RALYL: variants seen among roughly 807,000 people sequenced by gnomAD.
The protein encoded by RALYL is RALY RNA binding protein like, also known as RNA-binding Raly-like protein.
Under a neutral mutation model 35.1 loss-of-function variants are expected in RALYL, and 29 were observed. The observed-to-expected ratio is 0.83, with a 90% CI of 0.61 to 1.13. The LOEUF (loss-of-function observed/expected upper bound fraction) is 1.13, where lower values mean the gene tolerates loss of function less well. RALYL is among the 50% of genes most tolerant of loss of function. RALYL has a pLI of 0.00. For missense variants in RALYL, 359 were observed against 360.4 expected (o/e 1.00, Z 0.03); for synonymous variants, 120 against 127.6 (o/e 0.94, Z 0.40).
chr8:84,601,629 A>G (rs1008026721), intron 2 of RALYL, among the ~76,000 whole-genome samples: 1 of 152,030 alleles, frequency 6.6e-6, no homozygotes, highest in Non-Finnish European at 1.5e-5. Flanking sequence ...TGAGAAAAAA[A>G]AAAAAGAGAA....
At chr8:84,344,119 C>T (rs112904757) in intron 1 of RALYL, among the ~76,000 whole-genome samples, 24 of 151,876 alleles carry the variant, frequency 1.6e-4, no homozygotes, top group South Asian at 1.0e-3. Context: ...TTATTTGTCA[C>T]AGTGGGAGGA....
intron 3 of RALYL, among the ~76,000 whole-genome samples, chr8:84,789,433 G>T (rs1820293316): frequency 6.6e-6 from 1 of 152,086 alleles, no homozygotes; most frequent in Admixed American, 6.5e-5. Flanking sequence ...AATTTAAATG[G>T]AATTGTAACA....
chr8:84,816,867 T>C (rs1827430563), intron 4 of RALYL, among the ~76,000 whole-genome samples: 1 of 152,136 alleles, frequency 6.6e-6, no homozygotes, highest in African/African-American at 2.4e-5. Context: ...TGAAAATATC[T>C]CATGTACCCC....
intron 1 of RALYL, among the ~76,000 whole-genome samples, chr8:84,243,370 T>G (rs1019238712): frequency 6.6e-6 from 1 of 152,166 alleles, no homozygotes; most frequent in Non-Finnish European, 1.5e-5. Flanking sequence ...GTGAAGAATG[T>G]CAATGGTAGT....
At chr8:84,525,988 C>A (rs1196307447) in intron 1 of RALYL, among the ~76,000 whole-genome samples, 1 of 125,008 alleles carries the variant, frequency 8.0e-6, no homozygotes, top group African/African-American at 3.1e-5. Flanking sequence ...GACAGAGCCT[C>A]ACTTTGTCAC....
intron 5 of RALYL, among the ~76,000 whole-genome samples, chr8:84,854,015 A>T (rs1181487738): frequency 2.0e-5 from 3 of 152,176 alleles, no homozygotes; most frequent in South Asian, 4.1e-4. Flanking sequence ...TTTAGTGCTT[A>T]ATCAATATTA....
intron 2 of RALYL, among the ~76,000 whole-genome samples, chr8:84,583,045 C>T (rs1446831570): frequency 6.6e-6 from 1 of 152,088 alleles, no homozygotes; most frequent in Non-Finnish European, 1.5e-5. Context: ...GCCTTAGTAA[C>T]AGAGATCGAT....
intron 1 of RALYL, among the ~76,000 whole-genome samples, chr8:84,315,229 A>G (rs1843513260): frequency 6.6e-6 from 1 of 152,230 alleles, no homozygotes; most frequent in Admixed American, 6.5e-5. Context: ...TCCCATATAT[A>G]TAAGTGAACA....
intron 2 of RALYL, among the ~76,000 whole-genome samples, chr8:84,770,985 C>G (rs982786363): frequency 6.6e-6 from 1 of 151,988 alleles, no homozygotes; most frequent in Non-Finnish European, 1.5e-5. Flanking sequence ...AGATTTTCTC[C>G]CACTCTGTGG....
intron 1 of RALYL, among the ~76,000 whole-genome samples, chr8:84,470,846 G>T (rs1342090304): frequency 6.6e-6 from 1 of 152,156 alleles, no homozygotes; most frequent in East Asian, 1.9e-4. Context: ...ACACACCAAT[G>T]AATTACAATC....
At chr8:84,581,532 T>A (rs1437200648) in intron 2 of RALYL, among the ~76,000 whole-genome samples, 1 of 152,206 alleles carries the variant, frequency 6.6e-6, no homozygotes, top group Non-Finnish European at 1.5e-5. Context: ...TGCAGAGAGC[T>A]GGCACATTGG....
In RALYL at chr8:84,437,043, G is replaced by A. The variant is rs115520532; in HGVS notation, c.-23-92256G>A. ...CCCTCCTCCTTACCCCCTTGTAGTA[G>A]TCCCAATGTTTATTGCTGCCATTTT... On this transcript the variant is annotated intron_variant, in intron 1 of 8. Transcript: ENST00000521268. 1.5e-3 allele frequency among the ~76,000 whole-genome samples: 234 copies of A among 152,130 alleles called. 2 individuals carry two copies. Among genetic ancestry groups the A allele is most frequent in the African/African-American group, 5.1e-3 (212 of 41,508 alleles).
chr8:84,356,240 T>C (rs1312230419), intron 1 of RALYL, among the ~76,000 whole-genome samples: 1 of 150,474 alleles, frequency 6.6e-6, no homozygotes, highest in African/African-American at 2.5e-5. Context: ...GAGAACTGAC[T>C]AATACATAGG....
intron 1 of RALYL, among the ~76,000 whole-genome samples, chr8:84,510,577 G>A (rs147529008): frequency 0.013 from 1,961 of 152,166 alleles, 19 homozygotes; most frequent in Non-Finnish European, 0.019. Flanking sequence ...TTGGGAGGCC[G>A]AGGTGGGCGG....
intron 8 of RALYL, among the ~76,000 whole-genome samples, chr8:84,891,393 A>C (rs974355786): frequency 6.6e-6 from 1 of 152,092 alleles, no homozygotes; most frequent in Non-Finnish European, 1.5e-5. Context: ...AATTTCAAAA[A>C]CCATTCTGTT....
chr8:84,603,286 C>T (rs1344984470), intron 2 of RALYL, among the ~76,000 whole-genome samples: 1 of 151,942 alleles, frequency 6.6e-6, no homozygotes, highest in Admixed American at 6.6e-5. Flanking sequence ...TTGCTTCTTG[C>T]TTATATGAGC....
intron 1 of RALYL, among the ~76,000 whole-genome samples, chr8:84,387,989 C>A (rs1238517963): frequency 1.3e-5 from 2 of 151,910 alleles, no homozygotes; most frequent in East Asian, 3.9e-4. Context: ...TGCTATCCCT[C>A]CCCCTACACC....
At chr8:84,794,428 C>G (rs1821454075) in intron 3 of RALYL, among the ~76,000 whole-genome samples, 1 of 152,194 alleles carries the variant, frequency 6.6e-6, no homozygotes, top group South Asian at 2.1e-4. Context: ...CATTAGCAAG[C>G]AACTAAGACA....
At chr8:84,476,516 G>T (rs1296463415) in intron 1 of RALYL, among the ~76,000 whole-genome samples, 1 of 152,168 alleles carries the variant, frequency 6.6e-6, no homozygotes, top group East Asian at 1.9e-4. Flanking sequence ...AAGGTTAACA[G>T]AAAGGTTTAC....
Sources: allele counts gnomAD v4.1 joint callset (sites outside exome capture counted in the v4.1 genomes callset), GRCh38; gene constraint gnomAD v4.1.1; transcripts MANE v1.5; gene names NCBI Gene and HGNC (gene_info 2026-07-23, HGNC 2026-07-21).